The following CASC3 variants were observed in gnomAD, a reference collection of about 807,000 sequenced individuals.
The protein encoded by CASC3 is protein CASC3.
A neutral mutation model predicts 80.5 loss-of-function variants in CASC3; 30 were observed. The observed-to-expected ratio is 0.37, with a 90% CI of 0.28 to 0.51. The LOEUF is 0.51. Ranked by LOEUF, CASC3 falls within the 20% of genes least tolerant of loss-of-function variation. The probability of loss-of-function intolerance (pLI) is 0.94; values close to 1 mark genes in which losing one functional copy is unlikely to be tolerated. For missense variants in CASC3, 824 were observed against 922.2 expected (o/e 0.89, Z 1.38); for synonymous variants, 312 against 333.6 (o/e 0.94, Z 0.70).
At chr17:40,164,636 C>T (rs775436694) in intron 7 of CASC3, among the ~76,000 whole-genome samples, 71 of 150,916 alleles carry the variant, frequency 4.7e-4, no homozygotes, top group Admixed American at 1.5e-3. Context: ...TAGTAGAGAC[C>T]GGGTTTCACC....
chr17:40,171,705 G>A lies in CASC3; in HGVS notation c.*1300G>A, dbSNP rs1322927713. On this transcript the variant is annotated 3_prime_UTR_variant, in exon 14 of 14. Coordinates refer to ENST00000264645, the MANE Select transcript of CASC3 (RefSeq NM_007359.5). ...AGATTCCTATTACTGCAGTACATAC[G>A]TCTGCCAGGGGTAACCTGGCCACTG... The A allele has an allele frequency of 8.1e-6, 9 of 1,105,880 alleles. No individual in the cohort carries two copies. The highest frequency in any genetic ancestry group is 1.6e-5 in the African/African-American group (1 of 61,374). 68.5% of individuals were successfully genotyped at this position (1,105,880 alleles called of 1,614,324 possible).
intron 3 of CASC3, among the ~76,000 whole-genome samples, chr17:40,149,912 CA>C (rs1248007969): frequency 2.1e-5 from 3 of 143,838 alleles, no homozygotes; most frequent in Non-Finnish European, 4.6e-5. Flanking sequence ...GACTCCGTCT[CA>C]AAAAAAAGGG....
chr17:40,161,723 A>G (rs770293049), intron 3 of CASC3, 30 bp from the exon 4 acceptor site: 11 of 1,605,472 alleles, frequency 6.9e-6, no homozygotes, highest in Non-Finnish European at 9.4e-6. Context: ...CAGATCTTAT[A>G]TGCATCGCTG....
chr17:40,162,526 T>C (rs891608301), intron 5 of CASC3, among the ~76,000 whole-genome samples, 199 bp from the exon 6 acceptor site: 1 of 152,194 alleles, frequency 6.6e-6, no homozygotes, highest in Non-Finnish European at 1.5e-5. Context: ...GTGTCTGTTA[T>C]ATTTGAGCCC....
At position 40,162,670 on chromosome 17, in the gene CASC3, A is replaced by T. The variant is rs141206700; in HGVS notation, c.609-55A>T. On this transcript the variant is annotated intron_variant, in intron 5 of 13. Coordinates refer to ENST00000264645, the MANE Select transcript of CASC3 (RefSeq NM_007359.5). ...TCCCTGACCCATTTTGTTCAAGAAC[A>T]TCTCTACTTGGAGAATTCTGCTGAC... The T allele has an allele frequency of 1.9e-4, 298 of 1,575,230 alleles. 4 individuals are homozygous for T. In the East Asian group the frequency reaches 4.6e-3, roughly 24 times the overall value.
chr17:40,155,212 G>A (rs895847994), intron 3 of CASC3, among the ~76,000 whole-genome samples: 3 of 151,378 alleles, frequency 2.0e-5, no homozygotes, highest in African/African-American at 7.3e-5. Context: ...TGCACGTGAC[G>A]ATTTTGGTCC....
At chr17:40,144,924 G>A (rs1362000956) in intron 3 of CASC3, among the ~76,000 whole-genome samples, 3 of 147,652 alleles carry the variant, frequency 2.0e-5, no homozygotes, top group East Asian at 2.0e-4. Flanking sequence ...GCAATGGCTC[G>A]ATCTCAGCTC....
At chr17:40,153,410 A>G (rs1255299540) in intron 3 of CASC3, among the ~76,000 whole-genome samples, 1 of 152,154 alleles carries the variant, frequency 6.6e-6, no homozygotes, top group Non-Finnish European at 1.5e-5. Flanking sequence ...AGTTATTTCC[A>G]TAGCTTATTT....
intron 8 of CASC3, chr17:40,167,096 G>C: frequency 1.9e-6 from 1 of 527,762 alleles, no homozygotes; most frequent in Non-Finnish European, 3.3e-6. Flanking sequence ...CGAGTAGCTG[G>C]CATTACAGGC....
chr17:40,159,599 G>T (rs931789012), intron 3 of CASC3, among the ~76,000 whole-genome samples: 1 of 147,668 alleles, frequency 6.8e-6, no homozygotes, highest in Non-Finnish European at 1.5e-5. Context: ...AGACTGGAGC[G>T]CAGTGGCACA....
intron 3 of CASC3, among the ~76,000 whole-genome samples, chr17:40,153,628 G>A (rs1989067886): frequency 6.6e-6 from 1 of 152,120 alleles, no homozygotes; most frequent in South Asian, 2.1e-4. Context: ...CAGTGTATGA[G>A]GGTTCCAGTT....
intron 7 of CASC3, 106 bp downstream of exon 7, chr17:40,164,272 C>T: frequency 2.1e-6 from 2 of 957,826 alleles, no homozygotes; most frequent in Non-Finnish European, 3.0e-6. Flanking sequence ...ATGTCTACTT[C>T]TTTTTTTTTG....
chr17:40,149,861 C>T (rs889090496), intron 3 of CASC3, among the ~76,000 whole-genome samples: 2 of 151,552 alleles, frequency 1.3e-5, no homozygotes, highest in Admixed American at 6.6e-5. Flanking sequence ...AAAAATTAGC[C>T]GGGCATGGTG....
chr17:40,166,967 CTT>C (rs751149013), intron 8 of CASC3, 106 bp downstream of exon 8: 1 of 779,706 alleles, frequency 1.3e-6, no homozygotes, highest in Non-Finnish European at 1.9e-6. Context: ...TTCTTTCTTT[CTT>C]TTTTTTTGAG....
At position 40,167,488 on chromosome 17, in the gene CASC3, T is replaced by C. The variant is rs1255326500; in HGVS notation, c.1537-10T>C. On this transcript the variant is annotated splice_polypyrimidine_tract_variant and intron_variant, in intron 8 of 13. Transcript: ENST00000264645. ...AATTCTTATTGTTTAGGCCTCTTTC[T>C]TTGTCTCAGGGTGTCCAGGGTGGTC... 8 of 1,608,580 alleles carry C rather than the reference T, an allele frequency of 5.0e-6. No individual in the cohort carries two copies. In the East Asian group the frequency reaches 1.8e-4, roughly 36 times the overall value.
At chr17:40,144,223 C>T (rs1483547114) in intron 3 of CASC3, among the ~76,000 whole-genome samples, 1 of 152,016 alleles carries the variant, frequency 6.6e-6, no homozygotes, top group Non-Finnish European at 1.5e-5. Flanking sequence ...TGTGCCATTG[C>T]ACTTCATCCT....
chr17:40,165,722 T>TTTG (rs1382436141), intron 7 of CASC3, among the ~76,000 whole-genome samples: 1 of 152,018 alleles, frequency 6.6e-6, no homozygotes, highest in African/African-American at 2.4e-5. Flanking sequence ...CTTTTGTGTT[T>TTTG]TTGTTGTTGT....
chr17:40,167,427 TA>T, intron 8 of CASC3, 70 bp from the exon 9 acceptor site: 1 of 1,090,060 alleles, frequency 9.2e-7, no homozygotes, highest in South Asian at 1.3e-5. Context: ...TTTCAACACC[TA>T]AAGGAAGGTA....
intron 3 of CASC3, among the ~76,000 whole-genome samples, chr17:40,157,489 A>G (rs893354896): frequency 6.6e-6 from 1 of 151,742 alleles, no homozygotes; most frequent in Non-Finnish European, 1.5e-5. Context: ...CAGCCTGGGC[A>G]ACATGGTGAA....
Sources: gnomAD v4.1 joint callset for allele counts (sites outside exome capture counted in the v4.1 genomes callset) on GRCh38, gnomAD v4.1.1 for gene constraint, MANE v1.5 for transcripts, NCBI Gene and HGNC (gene_info 2026-07-23, HGNC 2026-07-21) for gene names.